Variants in PLA2G4D observed in about 807,000 individuals in gnomAD.
PLA2G4D encodes cytosolic phospholipase A2 delta.
In PLA2G4D, 80 loss-of-function variants were observed where a neutral mutation model predicts 94.4. The ratio of observed to expected loss-of-function variants is 0.85; its 90% confidence interval spans 0.71 to 1.02. The LOEUF (loss-of-function observed/expected upper bound fraction) is 1.02. PLA2G4D is among the 50% of genes least tolerant of loss of function. The pLI is 0.00. For missense variants in PLA2G4D, 1,050 were observed against 1,034.7 expected, an observed-to-expected ratio of 1.01 and a Z score of -0.20; for synonymous variants, 438 against 440.9, an observed-to-expected ratio of 0.99 and a Z score of 0.08.
At position 42,081,631 on chromosome 15, in the gene PLA2G4D, T is replaced by C. The variant is rs1890041379; in HGVS notation, c.822-17A>G. On this transcript the variant is annotated splice_polypyrimidine_tract_variant and intron_variant, in intron 10 of 19. Transcript: ENST00000290472. Reference sequence around the variant, plus strand: ...TCCTCAGGGCTGTGGCAATGGAGGATCCAGGGGTCAGGGGACACCTGCATA... The same window carrying C: ...TCCTCAGGGCTGTGGCAATGGAGGACCCAGGGGTCAGGGGACACCTGCATA... 6.2e-7 allele frequency: 1 copy of C among 1,613,530 alleles called. No homozygotes were observed. Among genetic ancestry groups the C allele is most frequent in the Non-Finnish European group, 8.5e-7 (1 of 1,179,644 alleles).
Position 42,086,194 on chromosome 15 carries a change from T to TGGGGGGGGGGGGGGGGGGGGC in PLA2G4D, c.387+18_387+19insGCCCCCCCCCCCCCCCCCCCC. The TGGGGGGGGGGGGGGGGGGGGC allele has an allele frequency of 2.2e-6, 3 of 1,370,444 alleles. No individual in the cohort carries two copies. Among genetic ancestry groups the TGGGGGGGGGGGGGGGGGGGGC allele is most frequent in the Non-Finnish European group, 2.9e-6 (3 of 1,043,084 alleles). The allele number at this position is 1,370,444 out of a possible 1,614,324, so 84.9% of individuals were successfully genotyped here. ...GGAAGAAGTGGGGCCCACGGGGACT[T>TGGGGGGGGGGGGGGGGGGGGC]CCCCACCCACCCACCCACCTGGGGA... On this transcript the variant is annotated intron_variant, in intron 4 of 19. Transcript: ENST00000290472.
chr15:42,069,793 G>T (rs896223801), intron 19 of PLA2G4D, 116 bp downstream of exon 19: 2 of 983,098 alleles, frequency 2.0e-6, no homozygotes, highest in Non-Finnish European at 2.8e-6. Context: ...GATGGGCCTA[G>T]CCTGAAGCCT....
chr15:42,084,110 G>T lies in PLA2G4D; in HGVS notation c.472-331C>A. Reference sequence around the variant, plus strand: ...TTCCCTGTGGCTTGGAGCTGGAGGAGGTATTCTACCACAACTCCAAATAAT... The same window carrying T: ...TTCCCTGTGGCTTGGAGCTGGAGGATGTATTCTACCACAACTCCAAATAAT... On this transcript the variant is annotated intron_variant, in intron 6 of 19. Coordinates refer to ENST00000290472, the MANE Select transcript of PLA2G4D (RefSeq NM_178034.4). The surrounding 1 kb of genome is among the most constrained non-coding windows in gnomAD (Gnocchi z 4.8). 3.2e-6 allele frequency: 1 copy of T among 310,458 alleles called. No individual in the cohort carries two copies. The allele number at this position is 310,458 out of a possible 1,614,324, so 19.2% of individuals were successfully genotyped here. A position where few individuals can be genotyped will look rare whatever the true frequency, so the allele number is the denominator to read the frequency against.
At chr15:42,087,012 C>T (rs1890162133) in intron 3 of PLA2G4D, among the ~76,000 whole-genome samples, 1 of 152,184 alleles carries the variant, frequency 6.6e-6, no homozygotes, top group Admixed American at 6.5e-5. Context: ...TCTCATCTCA[C>T]CCCACAGTGA....
chr15:42,080,911 C>T, intron 12 of PLA2G4D, 86 bp downstream of exon 12: 1 of 1,494,832 alleles, frequency 6.7e-7, no homozygotes, highest in Non-Finnish European at 9.0e-7. Flanking sequence ...TACTTGGCCT[C>T]CCCACACAAA....
intron 4 of PLA2G4D, among the ~76,000 whole-genome samples, 157 bp from the exon 5 acceptor site, chr15:42,085,688 TG>T (rs912456778): frequency 6.6e-6 from 1 of 152,232 alleles, no homozygotes; most frequent in African/African-American, 2.4e-5. Flanking sequence ...AACTGAGGTA[TG>T]GGGCCAGATG....
At position 42,070,661 on chromosome 15, in the gene PLA2G4D, G is replaced by C. The variant is rs936822622; in HGVS notation, c.2043+56C>G. Reference sequence around the variant, plus strand: ...CAGGGGCTCAGTGGCCCTGCTGCTCGCCTCTGGAGCTTGGCCTGGCTGGGC... The same window carrying C: ...CAGGGGCTCAGTGGCCCTGCTGCTCCCCTCTGGAGCTTGGCCTGGCTGGGC... On this transcript the variant is annotated intron_variant, in intron 18 of 19. Coordinates refer to ENST00000290472, the MANE Select transcript of PLA2G4D (RefSeq NM_178034.4). 2.6e-6 allele frequency: 4 copies of C among 1,512,988 alleles called. No individual in the cohort carries two copies. The South Asian group carries it at 3.7e-5, about 14-fold the overall frequency. The allele number at this position is 1,512,988 out of a possible 1,614,324, so 93.7% of individuals were successfully genotyped here.
intron 1 of PLA2G4D, among the ~76,000 whole-genome samples, chr15:42,092,409 G>A (rs1321621523): frequency 6.6e-6 from 1 of 152,100 alleles, no homozygotes; most frequent in South Asian, 2.1e-4. Context: ...AGGATATCTA[G>A]ACACTAGATT....
At chr15:42,071,394 C>T in intron 16 of PLA2G4D, 50 bp downstream of exon 16, 1 of 1,576,000 alleles carries the variant, frequency 6.3e-7, no homozygotes. Flanking sequence ...CGCAAGCATT[C>T]TAAAGGAACA....
intron 13 of PLA2G4D, among the ~76,000 whole-genome samples, chr15:42,076,231 C>T (rs567593337): frequency 6.6e-6 from 1 of 152,080 alleles, no homozygotes; most frequent in African/African-American, 2.4e-5. Context: ...ATAGATGAGA[C>T]TGGGAAAATT....
chr15:42,087,212 C>A, intron 3 of PLA2G4D, 88 bp downstream of exon 3: 1 of 1,551,412 alleles, frequency 6.4e-7, no homozygotes, highest in Non-Finnish European at 8.8e-7. Flanking sequence ...CTCTGACAGC[C>A]CCAGAGGAAG....
In PLA2G4D at chr15:42,081,554, C is replaced by T. The variant is rs750078217; in HGVS notation, c.882G>A (p.Leu294=). The T allele has an allele frequency of 1.9e-6, 3 of 1,614,208 alleles. 1 individual carries two copies. In the South Asian group the frequency reaches 3.3e-5, roughly 18 times the overall value. Residue 294 remains leucine (L), a synonymous_variant, in exon 11 of 20, where the codon CTG becomes CTA. Transcript: ENST00000290472. ...FNLCAEEQAF[L]SRRKQVVAKA... ...TGGCCACCACCTGCTTCCTCCTGCT[C>T]AGGAAGGCCTGCTCCTCTGCACAGA...
chr15:42,087,751 C>T (rs1261173230), intron 1 of PLA2G4D, 51 bp from the exon 2 acceptor site: 22 of 1,581,278 alleles, frequency 1.4e-5, no homozygotes, highest in Non-Finnish European at 1.7e-5. Context: ...CTCCCTTATG[C>T]CTGGAGCTGC....
intron 7 of PLA2G4D, 68 bp downstream of exon 7, chr15:42,083,648 G>A (rs1295394217): frequency 5.7e-6 from 9 of 1,580,710 alleles, no homozygotes; most frequent in Non-Finnish European, 7.8e-6. Context: ...CCCTGCGCAG[G>A]CTTCCCAGCA....
Position 42,085,509 on chromosome 15 carries a change from T to C in PLA2G4D, c.410A>G (p.Glu137Gly), listed in dbSNP as rs771247934. Residue 137 changes from glutamate (E) to glycine (G), a missense_variant, in exon 5 of 20, where the codon GAG becomes GGG. Coordinates refer to ENST00000290472, the MANE Select transcript of PLA2G4D (RefSeq NM_178034.4). ...TACTCACGTTTCTTCCATCAGGAAC[T>C]CCACATCCAGCTCCTCCTCTCCCTG... is the stretch of plus-strand genomic sequence containing the variant. ...SPQGEEELDV[E>G]FLMEETSDRP... 5.8e-5 allele frequency: 94 copies of C among 1,613,960 alleles called. No individual in the cohort carries two copies. The highest frequency in any genetic ancestry group is 7.5e-5 in the Non-Finnish European group (88 of 1,179,996).
intron 3 of PLA2G4D, among the ~76,000 whole-genome samples, chr15:42,086,714 T>C (rs1212215575): frequency 2.0e-5 from 3 of 151,962 alleles, no homozygotes; most frequent in Non-Finnish European, 4.4e-5. Context: ...TATCTGGACA[T>C]GGTGGTGGGT....
Position 42,081,033 on chromosome 15 carries a change from C to T in PLA2G4D, c.1058G>A (p.Cys353Tyr), listed in dbSNP as rs913434794. The change falls in exon 12 of 20, where the codon TGT (cysteine) becomes TAT (tyrosine). Residue 353 changes from cysteine (C) to tyrosine (Y), a missense_variant. Coordinates refer to ENST00000290472, the MANE Select transcript of PLA2G4D (RefSeq NM_178034.4). ...LALQKLGLLDCVTYFSGISGS... is the reference protein window; with the variant it reads ...LALQKLGLLDYVTYFSGISGS... ...AGAGATGCCACTGAAGTAGGTCACA[C>T]AGTCTAGGAGGCCCAGCTTCTGCAA... The T allele has an allele frequency of 5.0e-6, 8 of 1,614,166 alleles. No individual in the cohort carries two copies. Among genetic ancestry groups the T allele is most frequent in the Non-Finnish European group, 5.9e-6 (7 of 1,180,012 alleles).
intron 18 of PLA2G4D, 176 bp downstream of exon 18, chr15:42,070,541 C>T (rs531706569): frequency 1.3e-6 from 1 of 782,704 alleles, no homozygotes; most frequent in South Asian, 1.9e-5. Flanking sequence ...AAGGCCCCTG[C>T]ACCACCCCAG....
intron 4 of PLA2G4D, 33 bp downstream of exon 4, chr15:42,086,180 G>A (rs1283531994): frequency 1.3e-6 from 2 of 1,501,644 alleles, no homozygotes; most frequent in East Asian, 2.5e-5. Flanking sequence ...GAAGAAGTGG[G>A]GCCCACGGGG....
Sources: allele counts gnomAD v4.1 joint callset (sites outside exome capture counted in the v4.1 genomes callset), GRCh38; gene constraint gnomAD v4.1.1; non-coding constraint Gnocchi (gnomAD v3.1); transcripts MANE v1.5; gene names NCBI Gene and HGNC (gene_info 2026-07-23, HGNC 2026-07-21).